Variants in CNTN5 observed in about 807,000 individuals in gnomAD.
CNTN5 encodes contactin-5.
A neutral mutation model predicts 129.1 loss-of-function variants in CNTN5; 77 were observed. That is an observed-to-expected ratio of 0.60 (90% confidence interval 0.50 to 0.72). CNTN5 has a LOEUF of 0.72. Ranked by LOEUF, CNTN5 falls within the 30% of genes least tolerant of loss-of-function variation. The probability of loss-of-function intolerance (pLI) is 0.00; values close to 1 mark genes in which losing one functional copy is unlikely to be tolerated. For missense variants in CNTN5, 1,478 were observed against 1,328.8 expected (o/e 1.11, Z -1.75); for synonymous variants, 509 against 465.6 (o/e 1.09, Z -1.20).
chr11:100,241,452 T>TA (rs935459961), intron 16 of CNTN5, among the ~76,000 whole-genome samples: 4 of 152,174 alleles, frequency 2.6e-5, no homozygotes, highest in African/African-American at 4.8e-5. Flanking sequence ...TTTGTTTTTA[T>TA]AAAAAGGAAA....
At chr11:99,827,636 A>T (rs1947007155) in intron 4 of CNTN5, among the ~76,000 whole-genome samples, 1 of 152,216 alleles carries the variant, frequency 6.6e-6, no homozygotes, top group Non-Finnish European at 1.5e-5. Flanking sequence ...AAACATTTTC[A>T]TAGAGACAAA....
chr11:99,149,015 A>G (rs1228832052), intron 1 of CNTN5, among the ~76,000 whole-genome samples: 1 of 152,200 alleles, frequency 6.6e-6, no homozygotes, highest in African/African-American at 2.4e-5. Flanking sequence ...GACTCAGTTC[A>G]TAATGAGTAA....
At chr11:99,373,875 A>T (rs1351706684) in intron 2 of CNTN5, among the ~76,000 whole-genome samples, 2 of 152,144 alleles carry the variant, frequency 1.3e-5, no homozygotes, top group Non-Finnish European at 2.9e-5. Context: ...CAGTTTTTAA[A>T]ATTCACAAAT....
chr11:99,840,080 T>G (rs766232575), intron 4 of CNTN5, among the ~76,000 whole-genome samples: 3 of 152,068 alleles, frequency 2.0e-5, no homozygotes, highest in African/African-American at 4.8e-5. Flanking sequence ...CCTGTGGGTG[T>G]CCATGCATAA....
intron 11 of CNTN5, 115 bp downstream of exon 11, chr11:100,070,675 T>A: frequency 1.2e-6 from 1 of 852,432 alleles, no homozygotes; most frequent in Non-Finnish European, 1.8e-6. Flanking sequence ...ATTCGTATAA[T>A]AGGACATGTT....
intron 17 of CNTN5, among the ~76,000 whole-genome samples, chr11:100,264,919 G>A (rs1325194327): frequency 2.0e-5 from 3 of 151,874 alleles, no homozygotes; most frequent in South Asian, 2.1e-4. Context: ...TTTAGTAATC[G>A]CCATTCTGAC....
intron 1 of CNTN5, among the ~76,000 whole-genome samples, chr11:99,025,585 C>T (rs1033533035): frequency 1.3e-5 from 2 of 151,568 alleles, no homozygotes; most frequent in Non-Finnish European, 3.0e-5. Flanking sequence ...AAATTCTCTT[C>T]CTTTTGTGAG....
intron 13 of CNTN5, among the ~76,000 whole-genome samples, chr11:100,179,671 A>G (rs1172041389): frequency 6.6e-6 from 1 of 152,080 alleles, no homozygotes; most frequent in Non-Finnish European, 1.5e-5. Flanking sequence ...CATTTACCTG[A>G]TTATACCTGA....
intron 2 of CNTN5, among the ~76,000 whole-genome samples, chr11:99,536,132 C>T (rs1359303257): frequency 6.6e-6 from 1 of 152,098 alleles, no homozygotes; most frequent in Non-Finnish European, 1.5e-5. Flanking sequence ...GTCTTTCTTT[C>T]AACCTCAGAA....
intron 8 of CNTN5, among the ~76,000 whole-genome samples, chr11:99,975,472 T>G (rs1386817151): frequency 6.6e-6 from 1 of 152,264 alleles, no homozygotes; most frequent in East Asian, 1.9e-4. Context: ...ACCCATTGTA[T>G]TAGCCCATTC....
At chr11:99,784,216 A>G in intron 3 of CNTN5, among the ~76,000 whole-genome samples, 1 of 152,194 alleles carries the variant, frequency 6.6e-6, no homozygotes, top group Middle Eastern at 3.4e-3. Context: ...ACTTAGGTAT[A>G]CATGTGCCAT....
At chr11:100,159,397 C>A (rs1359687676) in intron 13 of CNTN5, among the ~76,000 whole-genome samples, 1 of 151,918 alleles carries the variant, frequency 6.6e-6, no homozygotes, top group East Asian at 1.9e-4. Flanking sequence ...CTACCATACA[C>A]CAAAACTGCT....
At chr11:100,186,947 C>T (rs1314857438) in intron 13 of CNTN5, among the ~76,000 whole-genome samples, 1 of 152,078 alleles carries the variant, frequency 6.6e-6, no homozygotes, top group Non-Finnish European at 1.5e-5. Context: ...AAAATGAGCT[C>T]AGCTGGTAAG....
chr11:99,466,146 T>C (rs551224407), intron 2 of CNTN5, among the ~76,000 whole-genome samples: 30 of 152,278 alleles, frequency 2.0e-4, no homozygotes, highest in Non-Finnish European at 2.8e-4. Context: ...CCTCCCAAAG[T>C]GCTGGGATTA....
intron 4 of CNTN5, among the ~76,000 whole-genome samples, chr11:99,828,587 C>A (rs1354676447): frequency 3.3e-5 from 5 of 152,086 alleles, no homozygotes; most frequent in Non-Finnish European, 5.9e-5. Context: ...GAAATCATAG[C>A]CGATACCCTA....
intron 7 of CNTN5, among the ~76,000 whole-genome samples, chr11:99,923,527 A>T (rs1245445031): frequency 2.0e-5 from 3 of 152,150 alleles, no homozygotes; most frequent in African/African-American, 7.2e-5. Flanking sequence ...ATTTGACTTT[A>T]TTATGTACAG....
chr11:99,119,616 A>G (rs1042524118), intron 1 of CNTN5, among the ~76,000 whole-genome samples: 2 of 152,144 alleles, frequency 1.3e-5, no homozygotes, highest in African/African-American at 2.4e-5. Context: ...ATGTGTCTTT[A>G]TGATAGAACA....
chr11:100,291,563 T>A (rs1241596925), intron 18 of CNTN5, among the ~76,000 whole-genome samples: 1 of 150,440 alleles, frequency 6.6e-6, no homozygotes, highest in South Asian at 2.1e-4. Context: ...AACAATGAGA[T>A]CACATGGACA....
intron 21 of CNTN5, among the ~76,000 whole-genome samples, chr11:100,314,133 C>G (rs1951529879): frequency 6.6e-6 from 1 of 152,136 alleles, no homozygotes; most frequent in Non-Finnish European, 1.5e-5. Context: ...CTCAGCCCAT[C>G]AGCACCTTAC....
Sources: gnomAD v4.1 joint callset for allele counts (sites outside exome capture counted in the v4.1 genomes callset) on GRCh38, gnomAD v4.1.1 for gene constraint, MANE v1.5 for transcripts, NCBI Gene and HGNC (gene_info 2026-07-23, HGNC 2026-07-21) for gene names.